TENM3: variants seen among roughly 807,000 people sequenced by gnomAD.
The protein encoded by TENM3 is teneurin transmembrane protein 3, also known as teneurin-3.
Under a neutral mutation model 255.1 loss-of-function variants are expected in TENM3, and 63 were observed. The ratio of observed to expected loss-of-function variants is 0.25; its 90% CI spans 0.20 to 0.30. TENM3 has a LOEUF of 0.30. TENM3 is among the 10% of genes least tolerant of loss of function. TENM3 has a pLI of 1.00. For synonymous variants in TENM3, 1,306 were observed against 1,322.3 expected (o/e 0.99, Z 0.27); for missense variants, 2,929 against 3,461.1 (o/e 0.85, Z 3.86).
At chr4:182,381,839 G>GC (rs1197039648) in intron 3 of TENM3, among the ~76,000 whole-genome samples, 1 of 152,160 alleles carries the variant, frequency 6.6e-6, no homozygotes, top group Non-Finnish European at 1.5e-5. Context: ...GGGATTACAG[G>GC]CGTGAGCCAC....
At chr4:182,679,483 G>A (rs181981698) in intron 7 of TENM3, among the ~76,000 whole-genome samples, 183 bp from the exon 8 acceptor site, 42 of 152,264 alleles carry the variant, frequency 2.8e-4, no homozygotes, top group Admixed American at 9.1e-4. Context: ...CCTGTGTGGC[G>A]AATAGTTTGC....
At chr4:182,101,076 A>AAGGGAGGG in the TENM3 span, among the ~76,000 whole-genome samples, 10 of 10,598 alleles carry the variant, frequency 9.4e-4, 2 homozygotes, top group Non-Finnish European at 1.6e-3. Flanking sequence ...AAAAGAAAGG[A>AAGGGAGGG]AGGGAGGGAG....
At chr4:182,137,197 G>A in the TENM3 span, among the ~76,000 whole-genome samples, 5 of 152,042 alleles carry the variant, frequency 3.3e-5, no homozygotes, top group Middle Eastern at 3.2e-3. Context: ...ATCTTAAAGC[G>A]CAGGAGTAGG....
At chr4:181,628,163 G>C in the TENM3 span, among the ~76,000 whole-genome samples, 15,554 of 152,002 alleles carry the variant, frequency 0.1, 887 homozygotes, top group East Asian at 0.15. Context: ...TCCTATCCTT[G>C]GCCCACTTTT....
the TENM3 span, among the ~76,000 whole-genome samples, chr4:181,893,575 T>C: frequency 6.9e-6 from 1 of 145,002 alleles, no homozygotes; most frequent in African/African-American, 2.6e-5. Flanking sequence ...ATGCAAAGAT[T>C]TTTACTTCTG....
chr4:182,780,487 T>C (rs1392109901), intron 24 of TENM3, among the ~76,000 whole-genome samples: 26 of 107,442 alleles, frequency 2.4e-4, no homozygotes, highest in African/African-American at 4.0e-4. Flanking sequence ...AGTCAGGTAG[T>C]GTGATGCCTC....
At chr4:181,995,018 G>A in the TENM3 span, among the ~76,000 whole-genome samples, 1 of 152,210 alleles carries the variant, frequency 6.6e-6, no homozygotes, top group South Asian at 2.1e-4. Context: ...GCTGGGTGCA[G>A]TGGCTCATGC....
chr4:181,659,371 C>T, the TENM3 span, among the ~76,000 whole-genome samples: 1 of 152,160 alleles, frequency 6.6e-6, no homozygotes, highest in Non-Finnish European at 1.5e-5. Context: ...TTTGCCCTGT[C>T]AACTCACCCT....
At chr4:182,777,543 A>ATTTTTTTTTT (rs1561238758) in intron 24 of TENM3, among the ~76,000 whole-genome samples, 1 of 34,906 alleles carries the variant, frequency 2.9e-5, no homozygotes, top group Non-Finnish European at 5.1e-5. Context: ...GTGTGTGTGT[A>ATTTTTTTTTT]TTTCTTTTTT....
At chr4:182,695,758 A>G (rs1987079) in intron 12 of TENM3, among the ~76,000 whole-genome samples, 84,621 of 151,994 alleles carry the variant, frequency 0.56, 24,194 homozygotes, top group Non-Finnish European at 0.6. Flanking sequence ...AAAATTCCTC[A>G]TGTCATCAAA....
the TENM3 span, among the ~76,000 whole-genome samples, chr4:181,872,555 T>C: frequency 6.6e-6 from 1 of 152,336 alleles, no homozygotes; most frequent in Admixed American, 6.5e-5. Flanking sequence ...TCAATATACT[T>C]ATTTCATTTA....
the TENM3 span, among the ~76,000 whole-genome samples, chr4:181,554,985 T>C: frequency 0.11 from 16,293 of 152,214 alleles, 956 homozygotes; most frequent in Middle Eastern, 0.17. Flanking sequence ...CCACTTAAAA[T>C]TGACAAGAGA....
chr4:182,663,209 A>G (rs999594870), intron 6 of TENM3, among the ~76,000 whole-genome samples: 1 of 152,216 alleles, frequency 6.6e-6, no homozygotes, highest in Non-Finnish European at 1.5e-5. Flanking sequence ...TGAGATTCAT[A>G]TTTCATGGGA....
chr4:182,705,344 A>G (rs985021715), intron 12 of TENM3, among the ~76,000 whole-genome samples: 3 of 152,240 alleles, frequency 2.0e-5, no homozygotes, highest in Admixed American at 6.5e-5. Context: ...TACTCCAAGG[A>G]CTTCACAGTA....
In TENM3 at chr4:182,754,960, A is replaced by G. The variant is rs749079390; in HGVS notation, c.4593A>G (p.Gln1531=). 7.4e-6 allele frequency: 12 copies of G among 1,614,024 alleles called. No individual in the cohort carries two copies. The East Asian group carries it at 1.8e-4, about 24-fold the overall frequency. ...TCTTTGACATCAATGGTACTCACCA[A>G]TATACTGTAAGTTTAGTCACTGGTG... ...LYIFDINGTH[Q]YTVSLVTGDY... is the part of the protein sequence containing the mutation. Residue 1531 remains glutamine (Q), a synonymous_variant, in exon 22 of 28, where the codon CAA becomes CAG. Coordinates refer to ENST00000511685, the MANE Select transcript of TENM3 (RefSeq NM_001080477.4). The surrounding 1 kb of genome is among the most constrained non-coding windows in gnomAD (Gnocchi z 5.1).
the TENM3 span, among the ~76,000 whole-genome samples, chr4:181,944,601 C>T: frequency 6.6e-6 from 1 of 152,102 alleles, no homozygotes; most frequent in African/African-American, 2.4e-5. Context: ...GCCTGTTCTT[C>T]GTTCTGCCCT....
intron 3 of TENM3, among the ~76,000 whole-genome samples, chr4:182,528,997 T>C (rs1459743829): frequency 1.3e-5 from 2 of 152,198 alleles, no homozygotes; most frequent in Non-Finnish European, 2.9e-5. Flanking sequence ...TAACGCATGA[T>C]CGTTCTCTGC....
rs200652818 is a variant in TENM3 at position 182,743,226 on chromosome 4, G to A, written c.3436G>A (p.Val1146Met). The A allele has an allele frequency of 2.3e-4, 367 of 1,614,020 alleles. No homozygotes were observed. The highest frequency in any genetic ancestry group is 2.9e-4 in the Non-Finnish European group (337 of 1,179,880). ...GTTCATCTCCCAGCAGCCTCCAGTCGTGAGTAGCATCATGGGCAATGGGCG... is the reference window on the plus strand; with the variant it reads ...GTTCATCTCCCAGCAGCCTCCAGTCATGAGTAGCATCATGGGCAATGGGCG... Reference protein sequence around the residue: ...NQFISQQPPVVSSIMGNGRRR... With the variant: ...NQFISQQPPVMSSIMGNGRRR... Residue 1146 changes from valine (V) to methionine (M), a missense_variant, in exon 19 of 28, where the codon GTG becomes ATG. By Grantham distance (21) the Val-to-Met change is conservative. Transcript: ENST00000511685.
chr4:182,405,711 T>C (rs1272813620), intron 3 of TENM3, among the ~76,000 whole-genome samples: 1 of 152,168 alleles, frequency 6.6e-6, no homozygotes, highest in African/African-American at 2.4e-5. Flanking sequence ...GCAATTTATG[T>C]TGTAGGAGCA....
Sources: allele counts gnomAD v4.1 joint callset (sites outside exome capture counted in the v4.1 genomes callset), GRCh38; gene constraint gnomAD v4.1.1; non-coding constraint Gnocchi (gnomAD v3.1); transcripts MANE v1.5; gene names NCBI Gene and HGNC (gene_info 2026-07-23, HGNC 2026-07-21).